DOCK11: variants seen among roughly 807,000 people sequenced by gnomAD.
The protein encoded by DOCK11 is dedicator of cytokinesis protein 11.
In DOCK11, 70 loss-of-function variants were observed where a neutral mutation model predicts 169.1. The observed-to-expected ratio is 0.41, with a 90% CI of 0.34 to 0.51. DOCK11 has a LOEUF of 0.51. Among genes scored for constraint, DOCK11 ranks in the 20% least tolerant of loss-of-function variants. The pLI, the probability that DOCK11 is intolerant of heterozygous loss-of-function variation, is 0.10. For missense variants in DOCK11, 1,166 were observed against 1,538.8 expected (o/e 0.76, Z 4.05); for synonymous variants, 529 against 541.3 (o/e 0.98, Z 0.32).
At chrX:118,588,721 T>C (rs772231754) in intron 18 of DOCK11, among the ~76,000 whole-genome samples, 36 of 112,545 alleles carry the variant, frequency 3.2e-4, no homozygotes, top group Admixed American at 7.5e-4. Flanking sequence ...CTTTTTGATT[T>C]TGCAATTGCT....
At chrX:118,592,598 C>T (rs189765194) in intron 19 of DOCK11, among the ~76,000 whole-genome samples, 39 of 112,020 alleles carry the variant, frequency 3.5e-4, no homozygotes, top group African/African-American at 1.3e-3. Flanking sequence ...TACAAACATT[C>T]GGTTGGGATC....
chrX:118,545,300 AGAC>A lies in DOCK11; in HGVS notation c.393-22_393-20del. 1 of 1,144,339 alleles carries A rather than the reference AGAC, an allele frequency of 8.7e-7. No homozygotes were observed. The highest frequency in any genetic ancestry group is 1.2e-6 in the Non-Finnish European group (1 of 847,016). The allele number at this position is 1,144,339 out of a possible 1,213,427, so 94.3% of individuals were successfully genotyped here. A position where few individuals can be genotyped will look rare whatever the true frequency, so the allele number is the denominator to read the frequency against. On this transcript the variant is annotated intron_variant, in intron 4 of 52. Transcript: ENST00000276202. The stretch of plus-strand genomic sequence containing the variant: ...TTTTTTTTGGTCTTTTTAGTGTCTA[AGAC>A]AGTTCTCTTATATTTGCAGTAAATC...
At chrX:118,557,960 A>T (rs180950205) in intron 6 of DOCK11, among the ~76,000 whole-genome samples, 2 of 102,273 alleles carry the variant, frequency 2.0e-5, no homozygotes, top group African/African-American at 7.2e-5. Flanking sequence ...TCTATCAGTG[A>T]CTTGCCTGTG....
At chrX:118,585,683 G>T (rs1262250279) in intron 16 of DOCK11, among the ~76,000 whole-genome samples, 1 of 109,157 alleles carries the variant, frequency 9.2e-6, no homozygotes, top group East Asian at 2.9e-4. Flanking sequence ...TTTATCAGAT[G>T]CTGTTTCATA....
chrX:118,527,007 C>T (rs1394335035), intron 1 of DOCK11, among the ~76,000 whole-genome samples: 4 of 112,028 alleles, frequency 3.6e-5, no homozygotes, highest in Non-Finnish European at 7.5e-5. Flanking sequence ...TTGTCACCCA[C>T]CACAGGAGGC....
chrX:118,627,465 A>G, intron 32 of DOCK11, 39 bp from the exon 33 acceptor site: 1 of 1,002,615 alleles, frequency 1.0e-6, no homozygotes, highest in Non-Finnish European at 1.4e-6. Flanking sequence ...CCTATATACG[A>G]ATTTGTTTAA....
chrX:118,641,902 T>C (rs2015543158), intron 39 of DOCK11, among the ~76,000 whole-genome samples: 3 of 111,520 alleles, frequency 2.7e-5, no homozygotes, highest in Non-Finnish European at 5.6e-5. Flanking sequence ...TTGCTTGCTT[T>C]CACTTCAGTT....
chrX:118,668,400 G>GT lies in DOCK11; in HGVS notation c.5077-2613dup, dbSNP rs1213919505. 7.1e-3 allele frequency among the ~76,000 whole-genome samples: 753 copies of GT among 105,458 alleles called. 2 individuals carry two copies. The highest frequency in any genetic ancestry group is 0.024 in the African/African-American group (690 of 29,169). The allele number at this position is 105,458 out of a possible 115,157, so 91.6% of individuals were successfully genotyped here. On this transcript the variant is annotated intron_variant, in intron 45 of 52. Transcript: ENST00000276202. ...AGTTTATGAGGTTGTATATTACATT[G>GT]TTTTTTTTTTCTAATTGTAACCTAA...
chrX:118,516,071 T>C (rs1297139480), intron 1 of DOCK11, among the ~76,000 whole-genome samples: 27 of 82,637 alleles, frequency 3.3e-4, no homozygotes, highest in Non-Finnish European at 5.9e-4. Context: ...TCTTTCTTTC[T>C]TTTTTCTTTT....
At chrX:118,516,004 A>ACTATATATATATATATATATATATAT (rs1436837389) in intron 1 of DOCK11, among the ~76,000 whole-genome samples, 1,050 of 44,874 alleles carry the variant, frequency 0.023, 90 homozygotes, top group East Asian at 0.095. Flanking sequence ...GATTTGGGCA[A>ACTATATATATATATATATATATATAT]ATATATATAT....
intron 28 of DOCK11, among the ~76,000 whole-genome samples, chrX:118,613,485 A>G (rs957144243): frequency 3.5e-5 from 4 of 112,749 alleles, no homozygotes; most frequent in East Asian, 5.5e-4. Flanking sequence ...ACAGGAAAAC[A>G]GTCAGTAAAA....
intron 10 of DOCK11, among the ~76,000 whole-genome samples, chrX:118,568,419 T>G (rs1332896755): frequency 7.7e-5 from 6 of 78,183 alleles, no homozygotes; most frequent in Non-Finnish European, 1.4e-4. Context: ...TATATATATA[T>G]ATATATTTCT....
chrX:118,530,214 G>A (rs779793899), intron 1 of DOCK11, among the ~76,000 whole-genome samples: 106 of 112,916 alleles, frequency 9.4e-4, no homozygotes, highest in African/African-American at 3.2e-3. Context: ...CATAAGCAGA[G>A]TCCTCACTTT....
At chrX:118,645,177 AG>A (rs1403064453) in intron 40 of DOCK11, among the ~76,000 whole-genome samples, 3 of 111,525 alleles carry the variant, frequency 2.7e-5, no homozygotes, top group Non-Finnish European at 5.6e-5. Flanking sequence ...TTGGGACATT[AG>A]GATATATGGA....
At chrX:118,511,836 T>G (rs917804125) in intron 1 of DOCK11, among the ~76,000 whole-genome samples, 4 of 112,258 alleles carry the variant, frequency 3.6e-5, no homozygotes, top group African/African-American at 9.7e-5. Context: ...CGTCGTTCAG[T>G]TCATGCTCAA....
Position 118,641,201 on chromosome X carries a change from A to G in DOCK11, c.4156A>G (p.Thr1386Ala). The G allele has an allele frequency of 8.3e-7, 1 of 1,205,939 alleles. No individual in the cohort carries two copies. Among genetic ancestry groups the G allele is most frequent in the Non-Finnish European group, 1.1e-6 (1 of 890,120 alleles). ...SFTLNHSSTT[T>A]EADIFHQALL... ...TTTTTTAATCCTAGGTTCTACAACA[A>G]CTGAAGCAGACATTTTCCACCAGGC... Residue 1386 changes from threonine (T) to alanine (A), a missense_variant, in exon 39 of 53, where the codon ACT becomes GCT. By Grantham distance (58) the Thr-to-Ala change is moderately conservative (BLOSUM62 0). Transcript: ENST00000276202.
intron 9 of DOCK11, 70 bp from the exon 10 acceptor site, chrX:118,568,009 A>G (rs936474310): frequency 1.9e-6 from 1 of 518,271 alleles, no homozygotes; most frequent in Non-Finnish European, 3.0e-6. Context: ...CACATAAACT[A>G]TACATTTAAA....
intron 35 of DOCK11, 149 bp downstream of exon 35, chrX:118,630,639 T>C: frequency 3.0e-6 from 1 of 335,018 alleles, no homozygotes; most frequent in Non-Finnish European, 5.3e-6. Flanking sequence ...TTAAAATGTT[T>C]CTTAAATTGA....
chrX:118,543,059 A>T, intron 3 of DOCK11, 44 bp downstream of exon 3: 10 of 948,844 alleles, frequency 1.1e-5, no homozygotes, highest in Non-Finnish European at 1.5e-5. Flanking sequence ...TCATATATTT[A>T]AAATATATAC....
Sources: gnomAD v4.1 joint callset for allele counts (sites outside exome capture counted in the v4.1 genomes callset) on GRCh38, gnomAD v4.1.1 for gene constraint, MANE v1.5 for transcripts, NCBI Gene and HGNC (gene_info 2026-07-23, HGNC 2026-07-21) for gene names.